The following IGDCC3 variants were observed in gnomAD, a reference collection of about 807,000 sequenced individuals.
The protein encoded by IGDCC3 is putative neuronal cell adhesion molecule.
A neutral mutation model predicts 72.0 loss-of-function variants in IGDCC3; 47 were observed. The observed-to-expected ratio is 0.65, with a 90% CI of 0.52 to 0.83. The LOEUF is 0.83. IGDCC3 is among the 40% of genes least tolerant of loss of function. IGDCC3 has a pLI of 0.00. For synonymous variants in IGDCC3, 477 were observed against 472.8 expected (o/e 1.01, Z -0.11); for missense variants, 1,038 against 1,091.3 (o/e 0.95, Z 0.69).
At chr15:65,360,978 T>C (rs2091256466) in intron 2 of IGDCC3, among the ~76,000 whole-genome samples, 2 of 152,186 alleles carry the variant, frequency 1.3e-5, no homozygotes, top group African/African-American at 4.8e-5. Context: ...GGTTTCACTA[T>C]GTTGGCCAGG....
chr15:65,375,423 T>G, intron 1 of IGDCC3, 21 bp from the exon 2 acceptor site: 1 of 1,571,102 alleles, frequency 6.4e-7, no homozygotes, highest in Non-Finnish European at 8.7e-7. Flanking sequence ...GAAGGGGAGA[T>G]GGAAGGAAAT....
chr15:65,364,641 C>T (rs1223363731), intron 2 of IGDCC3, among the ~76,000 whole-genome samples: 1 of 152,126 alleles, frequency 6.6e-6, no homozygotes, highest in Admixed American at 6.6e-5. Flanking sequence ...AATCCCAGCA[C>T]TTTGGGAGGG....
At chr15:65,347,723 G>A (rs2140152703) in intron 2 of IGDCC3, among the ~76,000 whole-genome samples, 1 of 152,268 alleles carries the variant, frequency 6.6e-6, no homozygotes, top group East Asian at 1.9e-4. Context: ...CTGAGGTCAG[G>A]AGTTCGAGAC....
chr15:65,374,683 T>C (rs1190713916), intron 2 of IGDCC3, among the ~76,000 whole-genome samples: 1 of 152,196 alleles, frequency 6.6e-6, no homozygotes, highest in Non-Finnish European at 1.5e-5. Flanking sequence ...TAATTAAAAA[T>C]TGCATGTAGC....
chr15:65,358,764 G>A (rs962943168), intron 2 of IGDCC3, among the ~76,000 whole-genome samples: 3 of 151,888 alleles, frequency 2.0e-5, no homozygotes, highest in Non-Finnish European at 4.4e-5. Flanking sequence ...GGGCTCAACC[G>A]ATCCTCCCAC....
chr15:65,330,616 T>G lies in IGDCC3; in HGVS notation c.1687A>C (p.Lys563Gln). 9.3e-6 allele frequency: 15 copies of G among 1,613,858 alleles called. No homozygotes were observed. Among genetic ancestry groups the G allele is most frequent in the Non-Finnish European group, 1.3e-5 (15 of 1,179,996 alleles). Residue 563 changes from lysine to glutamine, a missense_variant, in exon 10 of 14, where the codon AAG becomes CAG. Physicochemically the swap from Lys to Gln is moderately conservative, Grantham distance 53. Coordinates refer to ENST00000327987, the MANE Select transcript of IGDCC3 (RefSeq NM_004884.4). ...AGGATGGGGCCGGTGAAGGAGGTCT[T>G]GCTTGCTGGGCGGTAAAACAGCTTG... ...GFKLFYRPAS[K>Q]TSFTGPILLP...
Position 65,328,599 on chromosome 15 carries a change from T to G in IGDCC3, c.*310A>C. On this transcript the variant is annotated 3_prime_UTR_variant, in exon 14 of 14. Transcript: ENST00000327987. ...TATCTCTCTCCTCTTTTTTTTTTTT[T>G]TTAAGTTTTGCTTTTTAAAGAAAAA... 1 of 262,320 alleles carries G rather than the reference T, an allele frequency of 3.8e-6. No homozygotes were observed. The allele number at this position is 262,320 out of a possible 1,614,324, so 16.2% of individuals were successfully genotyped here.
intron 2 of IGDCC3, among the ~76,000 whole-genome samples, chr15:65,350,749 A>C (rs1337610942): frequency 2.0e-5 from 3 of 152,228 alleles, no homozygotes; most frequent in Admixed American, 2.0e-4. Context: ...GGCATGAGCC[A>C]TGGTACCCGA....
At chr15:65,344,366 C>T (rs1163637510) in intron 2 of IGDCC3, among the ~76,000 whole-genome samples, 2 of 152,078 alleles carry the variant, frequency 1.3e-5, no homozygotes, top group Middle Eastern at 3.2e-3. Context: ...GGCCCCTGAA[C>T]CCCAGCCCCT....
At chr15:65,361,926 C>CG (rs1288806424) in intron 2 of IGDCC3, among the ~76,000 whole-genome samples, 1 of 152,178 alleles carries the variant, frequency 6.6e-6, no homozygotes, top group Non-Finnish European at 1.5e-5. Context: ...CAGAGCCAGA[C>CG]GTTCTGCGAC....
Position 65,377,600 on chromosome 15 carries a change from G to T in IGDCC3, c.103+86C>A. The T allele has an allele frequency of 7.9e-7, 1 of 1,270,862 alleles. No individual in the cohort carries two copies. Among genetic ancestry groups the T allele is most frequent in the Non-Finnish European group, 1.0e-6 (1 of 998,228 alleles). 78.7% of individuals were successfully genotyped at this position (1,270,862 alleles called of 1,614,324 possible). A position where few individuals can be genotyped will look rare whatever the true frequency, so the allele number is the denominator to read the frequency against. On this transcript the variant is annotated intron_variant, in intron 1 of 13. Coordinates refer to ENST00000327987, the MANE Select transcript of IGDCC3 (RefSeq NM_004884.4). This position sits in a 1 kb window ranked among gnomAD's most constrained non-coding sequence, Gnocchi z 4.9. ...CCTCAGGTCCGCGCCGCTCTCCCCGGGTCCGCCCCTCGCGCCCGCTCCCTC... is the reference window on the plus strand; with the variant it reads ...CCTCAGGTCCGCGCCGCTCTCCCCGTGTCCGCCCCTCGCGCCCGCTCCCTC...
intron 2 of IGDCC3, among the ~76,000 whole-genome samples, chr15:65,370,624 A>ATATATATGTATGTG (rs2091320074): frequency 4.2e-5 from 4 of 96,072 alleles, no homozygotes; most frequent in Non-Finnish European, 9.4e-5. Flanking sequence ...GTATGTGTAT[A>ATATATATGTATGTG]TATATATATA....
intron 2 of IGDCC3, among the ~76,000 whole-genome samples, chr15:65,338,144 G>C (rs923847269): frequency 5.2e-4 from 79 of 152,292 alleles, no homozygotes; most frequent in Non-Finnish European, 2.9e-4. Flanking sequence ...CACAGGTATG[G>C]AGCCAGTCTG....
chr15:65,334,092 C>T (rs1479582939), intron 5 of IGDCC3, among the ~76,000 whole-genome samples: 1 of 151,776 alleles, frequency 6.6e-6, no homozygotes, highest in African/African-American at 2.4e-5. Context: ...CTGCCTGCTG[C>T]CCCCTCCCTC....
intron 2 of IGDCC3, among the ~76,000 whole-genome samples, chr15:65,341,877 G>A (rs2091084344): frequency 6.6e-6 from 1 of 152,104 alleles, no homozygotes; most frequent in Non-Finnish European, 1.5e-5. Flanking sequence ...AGGTTCAAGC[G>A]ATTCTCATGC....
rs371286430 is a variant in IGDCC3, at chr15:65,333,361, A to T, written c.878T>A (p.Ile293Asn). 1.2e-6 allele frequency: 2 copies of T among 1,612,248 alleles called. No individual in the cohort carries two copies. Among genetic ancestry groups the T allele is most frequent in the Non-Finnish European group, 1.7e-6 (2 of 1,179,210 alleles). The change falls in exon 6 of 14, where the codon ATC becomes AAC. Residue 293 changes from isoleucine to asparagine, a missense_variant. Coordinates refer to ENST00000327987, the MANE Select transcript of IGDCC3 (RefSeq NM_004884.4). ...GIQVLGTGNL[I>N]ISDVTVQHSG... ...GTGCTGGACCGTCACGTCTGAGATG[A>T]TGAGGTTTCCTGTGCCCAGCACCTG...
At chr15:65,350,542 A>G (rs1264625874) in intron 2 of IGDCC3, among the ~76,000 whole-genome samples, 1 of 147,924 alleles carries the variant, frequency 6.8e-6, no homozygotes, top group Admixed American at 6.8e-5. Context: ...GCTCACTGCA[A>G]CCTCCGCCTC....
chr15:65,334,784 AC>A lies in IGDCC3; in HGVS notation c.766del (p.Val256CysfsTer42). On this transcript the variant is annotated frameshift_variant, in exon 5 of 14. Transcript: ENST00000327987. LOFTEE classifies it high-confidence loss of function. ...GTTGCCCGTGGCGACACACTCAAGCACCGCGGTCTGGTGCACTGTCAGGGTG... is the reference window on the plus strand; with the variant it reads ...GTTGCCCGTGGCGACACACTCAAGCACGCGGTCTGGTGCACTGTCAGGGTG... The part of the protein sequence containing the change: ...NLTLTVHQTA[V>X]LECVATGNPR... 3 of 1,610,126 alleles carry A rather than the reference AC, an allele frequency of 1.9e-6. No individual in the cohort carries two copies. Among genetic ancestry groups the A allele is most frequent in the Non-Finnish European group, 2.5e-6 (3 of 1,178,370 alleles).
Position 65,329,334 on chromosome 15 carries a change from G to T in IGDCC3, c.2205+56C>A. On this transcript the variant is annotated intron_variant, in intron 13 of 13. Transcript: ENST00000327987. The surrounding 1 kb of genome is among the most constrained non-coding windows in gnomAD (Gnocchi z 4.1). Reference sequence around the variant, plus strand: ...GCCAAGGTGAAGGGGGGCAGGATTGGAAGGTGGCAGTGTCAGAGCCTGAGG... The same window carrying T: ...GCCAAGGTGAAGGGGGGCAGGATTGTAAGGTGGCAGTGTCAGAGCCTGAGG... 1 of 1,525,964 alleles carries T rather than the reference G, an allele frequency of 6.6e-7. No individual in the cohort carries two copies. The allele number at this position is 1,525,964 out of a possible 1,614,324, so 94.5% of individuals were successfully genotyped here.
Sources: allele counts gnomAD v4.1 joint callset (sites outside exome capture counted in the v4.1 genomes callset), GRCh38; gene constraint gnomAD v4.1.1; non-coding constraint Gnocchi (gnomAD v3.1); transcripts MANE v1.5; gene names NCBI Gene and HGNC (gene_info 2026-07-23, HGNC 2026-07-21).